The following SP140 variants were observed in gnomAD, a reference collection of about 807,000 sequenced individuals.
SP140 encodes the protein nuclear body protein SP140.
SP140 carries 81 observed loss-of-function variants against 125.0 expected under a neutral mutation model. The observed-to-expected ratio is 0.65, with a 90% confidence interval of 0.54 to 0.78. SP140 has a LOEUF of 0.78. Ranked by LOEUF, SP140 falls within the 30% of genes least tolerant of loss-of-function variation. SP140 has a pLI of 0.00. For synonymous variants in SP140, 312 were observed against 354.0 expected (o/e 0.88, Z 1.33); for missense variants, 858 against 1,037.0 (o/e 0.83, Z 2.37).
At chr2:230,247,009 A>G (rs1344406086) in intron 7 of SP140, among the ~76,000 whole-genome samples, 5 of 152,206 alleles carry the variant, frequency 3.3e-5, no homozygotes, top group African/African-American at 1.2e-4. Context: ...CTTCTGGCCC[A>G]AGAATGAGAC....
chr2:230,204,562 A>G (rs1302370314), intron 1 of SP140, among the ~76,000 whole-genome samples: 2 of 152,022 alleles, frequency 1.3e-5, no homozygotes, highest in Non-Finnish European at 2.9e-5. Flanking sequence ...CCTTTGTCAG[A>G]TCATTATTCA....
At chr2:230,276,265 C>G (rs1406695842) in intron 15 of SP140, among the ~76,000 whole-genome samples, 1 of 152,176 alleles carries the variant, frequency 6.6e-6, no homozygotes, top group Admixed American at 6.6e-5. Context: ...CAGGCTGAGT[C>G]TCTTGTTAGA....
chr2:230,229,389 C>T (rs1267009686), intron 1 of SP140, among the ~76,000 whole-genome samples: 1 of 149,602 alleles, frequency 6.7e-6, no homozygotes, highest in Non-Finnish European at 1.5e-5. Context: ...TTCTCTGGTG[C>T]TCTTTCTTTC....
chr2:230,272,892 T>C (rs2054151426), intron 15 of SP140, among the ~76,000 whole-genome samples: 1 of 152,134 alleles, frequency 6.6e-6, no homozygotes, highest in African/African-American at 2.4e-5. Flanking sequence ...GCTAGCCATA[T>C]ACAGAAAATT....
At position 230,310,022 on chromosome 2, in the gene SP140, G is replaced by A. The variant is rs200957098; in HGVS notation, c.2157G>A (p.Pro719=). 67 of 1,614,150 alleles carry A rather than the reference G, an allele frequency of 4.2e-5. No individual in the cohort carries two copies. In the African/African-American group the frequency reaches 6.0e-4, roughly 14 times the overall value. ...TCTTCCATGAGGACTGTCACATCCC[G>A]CCTGTGGAAGCTGAGAGGTAAGTGA... is the stretch of plus-strand genomic sequence containing the variant. The part of the protein sequence containing the change: ...SRVFHEDCHI[P]PVEAERTPWN... Residue 719 remains proline (P), a synonymous_variant, in exon 23 of 27, where the codon CCG becomes CCA. Coordinates refer to ENST00000392045, the MANE Select transcript of SP140 (RefSeq NM_007237.5).
At chr2:230,285,677 A>T in intron 16 of SP140, 75 bp from the exon 17 acceptor site, 1 of 1,237,348 alleles carries the variant, frequency 8.1e-7, no homozygotes, top group Non-Finnish European at 1.2e-6. Flanking sequence ...GGACTCCCTC[A>T]CTTGCGTTTG....
intron 22 of SP140, among the ~76,000 whole-genome samples, chr2:230,309,587 C>T (rs530967918): frequency 6.6e-6 from 1 of 152,310 alleles, no homozygotes; most frequent in African/African-American, 2.4e-5. Context: ...TGATTTAACA[C>T]TTCATTTCAA....
At chr2:230,225,949 G>T (rs1193081896) in intron 1 of SP140, 46 bp downstream of exon 1, 2 of 1,508,618 alleles carry the variant, frequency 1.3e-6, no homozygotes. Flanking sequence ...CTCTGGTAGG[G>T]TTCCCTTTCA....
At chr2:230,271,336 G>A (rs527264875) in intron 15 of SP140, among the ~76,000 whole-genome samples, 1 of 152,304 alleles carries the variant, frequency 6.6e-6, no homozygotes, top group East Asian at 1.9e-4. Flanking sequence ...GATCGGAAAA[G>A]CCTATATTGC....
chr2:230,269,652 C>A, intron 13 of SP140, 34 bp downstream of exon 13: 1 of 1,307,968 alleles, frequency 7.6e-7, no homozygotes, highest in Non-Finnish European at 1.1e-6. Context: ...AAAACAGAAA[C>A]AGAGTTCTGA....
intron 3 of SP140, among the ~76,000 whole-genome samples, chr2:230,215,622 G>A (rs1312823665): frequency 6.6e-6 from 1 of 152,176 alleles, no homozygotes; most frequent in Non-Finnish European, 1.5e-5. Context: ...AATTTTCCTT[G>A]CCTAGAGGAT....
chr2:230,216,839 G>A (rs746325457), intron 3 of SP140: 1 of 1,614,140 alleles, frequency 6.2e-7, no homozygotes, highest in Non-Finnish European at 8.5e-7. Context: ...GAAGGGAAAT[G>A]GCTTGTGTAT....
intron 3 of SP140, among the ~76,000 whole-genome samples, chr2:230,240,518 A>G (rs1281402678): frequency 6.6e-6 from 1 of 152,254 alleles, no homozygotes; most frequent in East Asian, 1.9e-4. Context: ...TTGAACAGAC[A>G]TTTCAAGACA....
chr2:230,249,049 C>T, intron 9 of SP140, 81 bp downstream of exon 9: 4 of 1,022,726 alleles, frequency 3.9e-6, no homozygotes, highest in South Asian at 2.7e-5. Context: ...CCCTTTCTCC[C>T]ATCCTACCCT....
At chr2:230,278,963 G>T (rs901545964) in intron 15 of SP140, among the ~76,000 whole-genome samples, 5 of 152,066 alleles carry the variant, frequency 3.3e-5, no homozygotes, top group African/African-American at 1.2e-4. Context: ...TCAAAAAACT[G>T]TTGGAACTAA....
chr2:230,239,174 T>C, intron 3 of SP140: 1 of 600,628 alleles, frequency 1.7e-6, no homozygotes, highest in South Asian at 3.5e-5. Context: ...TTATGATACA[T>C]CCAAGTCAGA....
chr2:230,208,154 A>G, intron 1 of SP140: 1 of 751,808 alleles, frequency 1.3e-6, no homozygotes, highest in Non-Finnish European at 2.3e-6. Flanking sequence ...TCTTCAAACC[A>G]CATTGCTAGA....
At chr2:230,215,932 C>T (rs1391142386) in intron 3 of SP140, among the ~76,000 whole-genome samples, 1 of 152,180 alleles carries the variant, frequency 6.6e-6, no homozygotes, top group Non-Finnish European at 1.5e-5. Flanking sequence ...CTGAGGAGTG[C>T]TCTCTGGGCT....
chr2:230,197,488 T>C, the SP140 span, among the ~76,000 whole-genome samples: 2 of 149,104 alleles, frequency 1.3e-5, no homozygotes, highest in South Asian at 4.3e-4. Flanking sequence ...TCCCATTTTG[T>C]AGGTTGCCTG....
Sources: gnomAD v4.1 joint callset for allele counts (sites outside exome capture counted in the v4.1 genomes callset) on GRCh38, gnomAD v4.1.1 for gene constraint, MANE v1.5 for transcripts, NCBI Gene and HGNC (gene_info 2026-07-23, HGNC 2026-07-21) for gene names.